HSPBAP1: variants seen among roughly 807,000 people sequenced by gnomAD.
HSPBAP1 encodes HSPB1-associated protein 1.
HSPBAP1 carries 27 observed loss-of-function variants against 45.2 expected under a neutral mutation model. That is an observed-to-expected ratio of 0.60 (90% confidence interval 0.44 to 0.82). HSPBAP1 has a LOEUF of 0.82. Ranked by LOEUF, HSPBAP1 falls within the 40% of genes least tolerant of loss-of-function variation. HSPBAP1 has a pLI of 0.00. For missense variants in HSPBAP1, 510 were observed against 590.9 expected (o/e 0.86, Z 1.42); for synonymous variants, 204 against 202.7 (o/e 1.01, Z -0.06).
At chr3:122,780,505 G>C (rs1292029903) in intron 1 of HSPBAP1, among the ~76,000 whole-genome samples, 1 of 131,990 alleles carries the variant, frequency 7.6e-6, no homozygotes, top group Non-Finnish European at 1.6e-5. Context: ...GCCGGGCGGG[G>C]GCTGACCCCC....
At chr3:122,750,526 T>A (rs897093721) in intron 6 of HSPBAP1, among the ~76,000 whole-genome samples, 2 of 151,576 alleles carry the variant, frequency 1.3e-5, no homozygotes, top group African/African-American at 4.9e-5. Context: ...TATCTATCTA[T>A]CTATCTATCT....
chr3:122,767,274 C>T lies in HSPBAP1; in HGVS notation c.432+1427G>A, dbSNP rs574018498. 5.9e-5 allele frequency among the ~76,000 whole-genome samples: 9 copies of T among 152,348 alleles called. No homozygotes were observed. The South Asian group carries it at 1.9e-3, about 32-fold the overall frequency. On this transcript the variant is annotated intron_variant, in intron 3 of 7. Transcript: ENST00000306103. ...CTATGACAGGACGGGCACAGTGGCTCACGCCTGTAATCCCAGCACTTTGGG... is the reference window on the plus strand; with the variant it reads ...CTATGACAGGACGGGCACAGTGGCTTACGCCTGTAATCCCAGCACTTTGGG...
chr3:122,785,170 T>C (rs750586486), intron 1 of HSPBAP1, among the ~76,000 whole-genome samples: 3 of 152,206 alleles, frequency 2.0e-5, no homozygotes, highest in Non-Finnish European at 4.4e-5. Context: ...GATCAATTCA[T>C]AGATAATCAT....
At chr3:122,750,252 C>T (rs550619312) in intron 6 of HSPBAP1, among the ~76,000 whole-genome samples, 21 of 152,198 alleles carry the variant, frequency 1.4e-4, no homozygotes, top group African/African-American at 4.3e-4. Context: ...GGATTACAGG[C>T]GTAAGCCACC....
chr3:122,761,421 G>A (rs1378906049), intron 3 of HSPBAP1: 1 of 152,072 alleles, frequency 6.6e-6, no homozygotes, highest in African/African-American at 2.4e-5. Flanking sequence ...TACTGTATGA[G>A]AAACTGAGGA....
intron 1 of HSPBAP1, among the ~76,000 whole-genome samples, chr3:122,778,215 GTTGT>G (rs1038736224): frequency 3.5e-4 from 15 of 42,676 alleles, no homozygotes; most frequent in Non-Finnish European, 8.2e-4. Context: ...AGTTTTTTTT[GTTGT>G]TTTTTTTTTT....
chr3:122,791,258 C>CT (rs1435677477), intron 1 of HSPBAP1, among the ~76,000 whole-genome samples: 2 of 152,246 alleles, frequency 1.3e-5, no homozygotes, highest in African/African-American at 4.8e-5. Context: ...ACCTAAAGCT[C>CT]TTTAAGGCTT....
At chr3:122,768,317 G>A (rs984216401) in intron 3 of HSPBAP1, among the ~76,000 whole-genome samples, 3 of 152,146 alleles carry the variant, frequency 2.0e-5, no homozygotes, top group African/African-American at 7.2e-5. Context: ...ACAGCCCAAG[G>A]AATGCTCCTT....
At chr3:122,758,218 G>A (rs777971210) in intron 4 of HSPBAP1, among the ~76,000 whole-genome samples, 2 of 152,164 alleles carry the variant, frequency 1.3e-5, no homozygotes, top group African/African-American at 4.8e-5. Flanking sequence ...AAAGACTGGG[G>A]CATCATTAAT....
At chr3:122,780,474 A>ACCTC (rs1358947577) in intron 1 of HSPBAP1, among the ~76,000 whole-genome samples, 6 of 80,832 alleles carry the variant, frequency 7.4e-5, no homozygotes, top group Non-Finnish European at 1.2e-4. Context: ...GGCGCCCCTC[A>ACCTC]CCTCCCGGAC....
In HSPBAP1 at chr3:122,740,808, C is replaced by G; in HGVS notation, c.1004G>C (p.Arg335Pro). The change falls in exon 8 of 8, where the codon CGC (arginine) becomes CCC (proline). Residue 335 changes from arginine (R) to proline (P), a missense_variant. Coordinates refer to ENST00000306103, the MANE Select transcript of HSPBAP1 (RefSeq NM_024610.6). ...TTCTACTACCTCAGATGTTCTGCAG[C>G]GATCAAAAAATGCAGAAACAGCTGC... ...LNAAVSAFFD[R>P]CRTSEVVEIQ... The G allele has an allele frequency of 6.2e-7, 1 of 1,613,988 alleles. No homozygotes were observed. The highest frequency in any genetic ancestry group is 1.1e-5 in the South Asian group (1 of 91,082).
rs148372403 is a variant in HSPBAP1 at position 122,750,616 on chromosome 3, A to G, written c.825+1975T>C. On this transcript the variant is annotated intron_variant, in intron 6 of 7. Transcript: ENST00000306103. Reference sequence around the variant, plus strand: ...AAAGAGCCTAGAAACACTGACACCCAGGAGCAATGAACAGATTTAGAGCTG... The same window carrying G: ...AAAGAGCCTAGAAACACTGACACCCGGGAGCAATGAACAGATTTAGAGCTG... Among the ~76,000 whole-genome samples, 808 of 152,312 alleles carry G rather than the reference A, an allele frequency of 5.3e-3. 2 individuals carry two copies. Among genetic ancestry groups the G allele is most frequent in the Non-Finnish European group, 9.0e-3 (615 of 68,032 alleles).
chr3:122,753,153 T>C, intron 5 of HSPBAP1: 1 of 296,552 alleles, frequency 3.4e-6, no homozygotes, highest in Non-Finnish European at 5.0e-6. Context: ...ATTTCAGAGG[T>C]GGGTGAAACA....
chr3:122,747,385 GC>G (rs1933919451), intron 6 of HSPBAP1, among the ~76,000 whole-genome samples: 1 of 147,968 alleles, frequency 6.8e-6, no homozygotes, highest in Non-Finnish European at 1.5e-5. Flanking sequence ...CCTGGCAACC[GC>G]CCCATCTGAG....
chr3:122,753,088 G>A (rs1389159660), intron 5 of HSPBAP1: 1 of 608,490 alleles, frequency 1.6e-6, no homozygotes, highest in Non-Finnish European at 2.1e-6. Flanking sequence ...AGAAGATAAA[G>A]TATAGAAAGG....
chr3:122,785,189 G>T (rs758607435), intron 1 of HSPBAP1, among the ~76,000 whole-genome samples: 10 of 152,196 alleles, frequency 6.6e-5, no homozygotes, highest in Admixed American at 1.3e-4. Flanking sequence ...ATTCACATGT[G>T]CTCCAGGGAG....
chr3:122,740,415 A>G lies in HSPBAP1; in HGVS notation c.1397T>C (p.Leu466Pro). 4 of 1,613,836 alleles carry G rather than the reference A, an allele frequency of 2.5e-6. No homozygotes were observed. The highest frequency in any genetic ancestry group is 3.4e-6 in the Non-Finnish European group (4 of 1,179,828). ...PQTFISTDDL[L>P]DCLVNPQVTR... ...TACTTGTGGATTCACCAAGCAGTCC[A>G]GCAAGTCATCCGTAGAAATGAATGT... The change falls in exon 8 of 8, where the codon CTG (leucine) becomes CCG (proline). Residue 466 changes from leucine to proline, a missense_variant. Transcript: ENST00000306103.
chr3:122,753,639 A>G, intron 5 of HSPBAP1: 2 of 985,162 alleles, frequency 2.0e-6, no homozygotes, highest in African/African-American at 3.5e-5. Flanking sequence ...AAATGATGTG[A>G]AGCTTTTGGG....
intron 1 of HSPBAP1, among the ~76,000 whole-genome samples, chr3:122,784,288 C>G (rs1261191931): frequency 6.6e-6 from 1 of 152,098 alleles, no homozygotes; most frequent in Admixed American, 6.5e-5. Context: ...TGGGAAACAA[C>G]TGGGAAAAAT....
Sources: allele counts gnomAD v4.1 joint callset (sites outside exome capture counted in the v4.1 genomes callset), GRCh38; gene constraint gnomAD v4.1.1; transcripts MANE v1.5; gene names NCBI Gene and HGNC (gene_info 2026-07-23, HGNC 2026-07-21).